TBC1D10A: variants seen among roughly 807,000 people sequenced by gnomAD.
TBC1D10A encodes the protein TBC1 domain family member 10A, also known as EBP50-PDX interactor of 64 kDa.
TBC1D10A carries 24 observed loss-of-function variants against 52.9 expected under a neutral mutation model. The observed-to-expected ratio is 0.45, with a 90% CI of 0.33 to 0.64. The LOEUF (loss-of-function observed/expected upper bound fraction) is 0.64. TBC1D10A is among the 30% of genes least tolerant of loss of function. The pLI is 0.02. For missense variants in TBC1D10A, 602 were observed against 687.9 expected (o/e 0.88, Z 1.40); for synonymous variants, 278 against 282.9 (o/e 0.98, Z 0.17).
At position 30,292,514 on chromosome 22, in the gene TBC1D10A, G is replaced by A. The variant is rs1213950661; in HGVS notation, c.1388C>T (p.Ala463Val). 1 of 1,611,026 alleles carries A rather than the reference G, an allele frequency of 6.2e-7. No individual in the cohort carries two copies. Among genetic ancestry groups the A allele is most frequent in the African/African-American group, 1.3e-5 (1 of 74,870 alleles). Residue 463 changes from alanine to valine, a missense_variant, in exon 9 of 9, where the codon GCA (alanine) becomes GTA (valine). This residue lies in a region of TBC1D10A where 265 missense variants were observed against 275.1 expected (regional missense o/e 0.96). Coordinates refer to ENST00000215790, the MANE Select transcript of TBC1D10A (RefSeq NM_031937.3). ...CGGGGGCACATGCTGTGGGGGACAT[G>A]CATCTCCTGCAGCGGCCACCACCAT... is the stretch of plus-strand genomic sequence containing the variant. ...QAMVVAAAGD[A>V]CPPQHVPPKD... is the part of the protein sequence containing the mutation.
At chr22:30,300,852 C>A (rs756393985) in intron 2 of TBC1D10A, among the ~76,000 whole-genome samples, 1 of 152,200 alleles carries the variant, frequency 6.6e-6, no homozygotes, top group Non-Finnish European at 1.5e-5. Context: ...TGGCCCAGGT[C>A]TTCTCTGCCA....
At chr22:30,315,890 C>T (rs1930526206) in intron 1 of TBC1D10A, among the ~76,000 whole-genome samples, 1 of 152,134 alleles carries the variant, frequency 6.6e-6, no homozygotes, top group South Asian at 2.1e-4. Flanking sequence ...GGCTGAAGTC[C>T]TAAGACTGGG....
At chr22:30,300,887 A>G (rs1247789349) in intron 2 of TBC1D10A, among the ~76,000 whole-genome samples, 1 of 152,232 alleles carries the variant, frequency 6.6e-6, no homozygotes, top group African/African-American at 2.4e-5. Context: ...GAAGTGAGGG[A>G]GGAAGTATTT....
chr22:30,324,997 C>A (rs1601683817), intron 1 of TBC1D10A, among the ~76,000 whole-genome samples: 1 of 152,204 alleles, frequency 6.6e-6, no homozygotes, highest in Non-Finnish European at 1.5e-5. Context: ...CCCATAAATG[C>A]AACTGGGAAC....
chr22:30,326,817 G>A lies in TBC1D10A; in HGVS notation c.65C>T (p.Thr22Ile), dbSNP rs1431079932. 3.4e-6 allele frequency: 5 copies of A among 1,476,216 alleles called. No individual in the cohort carries two copies. The highest frequency in any genetic ancestry group is 1.3e-5 in the South Asian group (1 of 75,812). 91.4% of individuals were successfully genotyped at this position (1,476,216 alleles called of 1,614,324 possible). A position where few individuals can be genotyped will look rare whatever the true frequency, so the allele number is the denominator to read the frequency against. The change falls in exon 1 of 9, where the codon ACC becomes ATC. Residue 22 changes from threonine to isoleucine, a missense_variant. Transcript: ENST00000215790. ...GGGGCCCTGGGCCAGGCTCTCCCGG[G>A]TTCCCGACAGGCTTTCCCCGGCCGC... ...APAAGESLSG[T>I]RESLAQGPDA...
intron 1 of TBC1D10A, 114 bp downstream of exon 1, chr22:30,326,559 T>C: frequency 9.9e-7 from 1 of 1,012,228 alleles, no homozygotes; most frequent in South Asian, 1.7e-5. Context: ...GAACGGGGAT[T>C]AGTGGTCCCT....
chr22:30,319,872 G>C (rs186214014), intron 1 of TBC1D10A, among the ~76,000 whole-genome samples: 1 of 152,318 alleles, frequency 6.6e-6, no homozygotes, highest in South Asian at 2.1e-4. Context: ...CTAGGACAAC[G>C]GATGGATGAT....
At position 30,295,754 on chromosome 22, in the gene TBC1D10A, C is replaced by T. The variant is rs780467715; in HGVS notation, c.507G>A (p.Val169=). The part of the protein sequence containing the change: ...HRQFPFHEMF[V]SRGGHGQQDL... ...CTGCTCACCCGTGGCCCCCCCGGGA[C>T]ACAAACATCTCATGGAATGGGAACT... is the stretch of plus-strand genomic sequence containing the variant. The change falls in exon 4 of 9, where the codon GTG becomes GTA. Residue 169 remains valine (V), a synonymous_variant. Transcript: ENST00000215790. 1 of 1,614,012 alleles carries T rather than the reference C, an allele frequency of 6.2e-7. No homozygotes were observed. Among genetic ancestry groups the T allele is most frequent in the East Asian group, 2.2e-5 (1 of 44,884 alleles).
chr22:30,313,805 A>C (rs916993004), intron 1 of TBC1D10A, among the ~76,000 whole-genome samples: 2 of 151,932 alleles, frequency 1.3e-5, no homozygotes, highest in African/African-American at 4.8e-5. Flanking sequence ...CTCTACCTTG[A>C]TATCAGGTGG....
chr22:30,309,484 A>C (rs1361509561), intron 1 of TBC1D10A, among the ~76,000 whole-genome samples: 5 of 152,122 alleles, frequency 3.3e-5, no homozygotes, highest in Admixed American at 3.3e-4. Context: ...TCAGCCTCCC[A>C]AAGTGCTGGG....
intron 8 of TBC1D10A, chr22:30,293,248 G>A: frequency 1.6e-6 from 1 of 609,748 alleles, no homozygotes; most frequent in Non-Finnish European, 3.2e-6. Context: ...GAGTTGCTTA[G>A]TGATTCTGCC....
chr22:30,317,919 C>A (rs970182573), intron 1 of TBC1D10A, among the ~76,000 whole-genome samples: 2 of 152,180 alleles, frequency 1.3e-5, no homozygotes, highest in African/African-American at 4.8e-5. Context: ...GTGAAAAAAA[C>A]TGGAAGCATT....
intron 1 of TBC1D10A, among the ~76,000 whole-genome samples, chr22:30,314,180 G>A (rs866644197): frequency 3.9e-5 from 6 of 152,084 alleles, no homozygotes; most frequent in African/African-American, 7.2e-5. Flanking sequence ...AAGTGAATCC[G>A]GGCCCTGCTC....
intron 1 of TBC1D10A, 112 bp downstream of exon 1, chr22:30,326,561 G>T: frequency 9.5e-7 from 1 of 1,052,012 alleles, no homozygotes; most frequent in Non-Finnish European, 1.3e-6. Flanking sequence ...ACGGGGATTA[G>T]TGGTCCCTGC....
At chr22:30,315,120 G>A (rs1251654871) in intron 1 of TBC1D10A, among the ~76,000 whole-genome samples, 1 of 152,204 alleles carries the variant, frequency 6.6e-6, no homozygotes, top group Non-Finnish European at 1.5e-5. Context: ...TGCCCTGGCA[G>A]GCCAGGAAGC....
At chr22:30,298,600 ACT>A (rs1481280242) in intron 3 of TBC1D10A, 1 of 152,242 alleles carries the variant, frequency 6.6e-6, no homozygotes, top group Non-Finnish European at 1.5e-5. Context: ...GCTCTGTCTC[ACT>A]GTCTGCCTGT....
At chr22:30,324,340 A>C (rs964416753) in intron 1 of TBC1D10A, among the ~76,000 whole-genome samples, 1 of 152,176 alleles carries the variant, frequency 6.6e-6, no homozygotes, top group Non-Finnish European at 1.5e-5. Context: ...TTGAAACCAC[A>C]ATATAAATTA....
intron 2 of TBC1D10A, among the ~76,000 whole-genome samples, chr22:30,303,139 C>T (rs1079227): frequency 2.0e-5 from 3 of 152,014 alleles, no homozygotes; most frequent in East Asian, 1.9e-4. Context: ...AAATTCGCCA[C>T]GTGTGGTGAC....
intron 1 of TBC1D10A, among the ~76,000 whole-genome samples, chr22:30,319,183 G>A (rs989077478): frequency 3.3e-5 from 5 of 152,150 alleles, no homozygotes; most frequent in Non-Finnish European, 5.9e-5. Flanking sequence ...CTGAAGCCTG[G>A]ATCAAATGCT....
Sources: gnomAD v4.1 joint callset for allele counts (sites outside exome capture counted in the v4.1 genomes callset) on GRCh38, gnomAD v4.1.1 for gene constraint, gnomAD v4.1.1 regional missense constraint, MANE v1.5 for transcripts, NCBI Gene and HGNC (gene_info 2026-07-23, HGNC 2026-07-21) for gene names.